Variants in PGPEP1L observed in about 807,000 individuals in gnomAD.
The protein encoded by PGPEP1L is pyroglutamyl-peptidase I like.
A neutral mutation model predicts 6.0 loss-of-function variants in PGPEP1L; 7 were observed. That is an observed-to-expected ratio of 1.17 (90% CI 0.66 to 2.19). The LOEUF (loss-of-function observed/expected upper bound fraction) is 2.19. Ranked by LOEUF, PGPEP1L falls within the 30% of genes most tolerant of loss-of-function variation. The probability of loss-of-function intolerance (pLI) is 0.00; values close to 1 mark genes in which losing one functional copy is unlikely to be tolerated. For missense variants in PGPEP1L, 209 were observed against 192.5 expected, an observed-to-expected ratio of 1.09 and a Z score of -0.51; for synonymous variants, 103 against 83.9, an observed-to-expected ratio of 1.23 and a Z score of -1.24.
At position 98,968,563 on chromosome 15, in the gene PGPEP1L, T is replaced by G. The variant is rs769219829; in HGVS notation, c.344A>C (p.Glu115Ala). 1.4e-5 allele frequency: 22 copies of G among 1,581,610 alleles called. No individual in the cohort carries two copies. Among genetic ancestry groups the G allele is most frequent in the Non-Finnish European group, 1.9e-5 (22 of 1,161,828 alleles). ...GGGCTTTCCCACCTCTTCCAGCATT[T>G]CCTGGATGATGACTCTCAAGGCTCT... ...LGRALRVIIQ[E>A]MLEEVGKPKH... The change falls in exon 5 of 5, where the codon GAA becomes GCA. Residue 115 changes from glutamate (E) to alanine (A), a missense_variant. Transcript: ENST00000535714.
chr15:98,991,121 G>C (rs572616181), intron 2 of PGPEP1L, among the ~76,000 whole-genome samples: 4 of 151,962 alleles, frequency 2.6e-5, no homozygotes, highest in Non-Finnish European at 5.9e-5. Flanking sequence ...GAGTAGAATT[G>C]AAGGAGATAG....
At chr15:99,001,699 T>TA (rs1555473056) in intron 2 of PGPEP1L, among the ~76,000 whole-genome samples, 1 of 151,960 alleles carries the variant, frequency 6.6e-6, no homozygotes, top group Non-Finnish European at 1.5e-5. Flanking sequence ...ATTTCATTTA[T>TA]ATATTTGTGT....
chr15:98,980,572 C>T (rs1200589392), intron 2 of PGPEP1L, among the ~76,000 whole-genome samples: 1 of 152,186 alleles, frequency 6.6e-6, no homozygotes, highest in Non-Finnish European at 1.5e-5. Context: ...AACTCCCCCA[C>T]TCGAGTGTGG....
chr15:99,001,255 C>A (rs1209503422), intron 2 of PGPEP1L: 1 of 318,882 alleles, frequency 3.1e-6, no homozygotes, highest in Non-Finnish European at 6.4e-6. Flanking sequence ...GACACACTAC[C>A]ACGTGGCTCA....
chr15:98,977,774 G>A (rs1001322278), intron 2 of PGPEP1L, among the ~76,000 whole-genome samples: 5 of 152,202 alleles, frequency 3.3e-5, no homozygotes, highest in Admixed American at 6.5e-5. Context: ...TACTGAAATC[G>A]TTGACTATTA....
intron 2 of PGPEP1L, among the ~76,000 whole-genome samples, chr15:98,973,157 G>A (rs2017523654): frequency 1.3e-5 from 2 of 152,058 alleles, no homozygotes; most frequent in Non-Finnish European, 2.9e-5. Flanking sequence ...AAAGCAAGAG[G>A]ATATAGCTAT....
At chr15:98,977,544 C>T (rs1034222806) in intron 2 of PGPEP1L, among the ~76,000 whole-genome samples, 1 of 152,208 alleles carries the variant, frequency 6.6e-6, no homozygotes, top group African/African-American at 2.4e-5. Context: ...CCAGAGAACA[C>T]ACTTTATGTG....
chr15:99,006,284 G>A (rs564393406), intron 1 of PGPEP1L, among the ~76,000 whole-genome samples: 3 of 152,196 alleles, frequency 2.0e-5, no homozygotes, highest in Non-Finnish European at 2.9e-5. Flanking sequence ...TAGCGTCTGT[G>A]CAAGCTTGCT....
chr15:98,983,213 T>G lies in PGPEP1L; in HGVS notation c.-141-12055A>C, dbSNP rs982736530. The stretch of plus-strand genomic sequence containing the variant: ...CAATTTTCTTTCACTTGGAAAGGTT[T>G]GCAGTTACTTTCCTATCCCTGAACA... On this transcript the variant is annotated intron_variant, in intron 2 of 4. Coordinates refer to ENST00000535714, the MANE Select transcript of PGPEP1L (RefSeq NM_001167902.2). Among the ~76,000 whole-genome samples, 13 of 152,130 alleles carry G rather than the reference T, an allele frequency of 8.5e-5. No individual in the cohort carries two copies. In the East Asian group the frequency reaches 1.9e-3, roughly 23 times the overall value.
intron 3 of PGPEP1L, among the ~76,000 whole-genome samples, chr15:98,970,404 T>A (rs1057435593): frequency 6.6e-6 from 1 of 152,208 alleles, no homozygotes; most frequent in Non-Finnish European, 1.5e-5. Flanking sequence ...CAGTGAAATC[T>A]TCTTAGAATT....
intron 2 of PGPEP1L, among the ~76,000 whole-genome samples, chr15:98,980,303 G>T (rs1003579384): frequency 6.6e-6 from 1 of 152,162 alleles, no homozygotes; most frequent in African/African-American, 2.4e-5. Flanking sequence ...AAACCTGAAC[G>T]ATCAGGGAGG....
intron 2 of PGPEP1L, among the ~76,000 whole-genome samples, chr15:99,000,352 CAGT>C (rs2017946587): frequency 6.6e-6 from 1 of 152,228 alleles, no homozygotes; most frequent in South Asian, 2.1e-4. Flanking sequence ...CCACGGCGCC[CAGT>C]CCCATCGACC....
intron 2 of PGPEP1L, 60 bp from the exon 3 acceptor site, chr15:98,971,218 C>G: frequency 7.0e-7 from 1 of 1,434,890 alleles, no homozygotes; most frequent in Non-Finnish European, 9.4e-7. Flanking sequence ...GGGTGGGCAC[C>G]AAGAGTCCCT....
intron 2 of PGPEP1L, among the ~76,000 whole-genome samples, chr15:99,000,674 A>T (rs971549624): frequency 2.0e-5 from 3 of 152,190 alleles, no homozygotes; most frequent in Non-Finnish European, 2.9e-5. Context: ...TCTGTATCTA[A>T]CTAATCTAGT....
chr15:98,999,442 C>G (rs578109577), intron 2 of PGPEP1L, among the ~76,000 whole-genome samples: 1 of 152,248 alleles, frequency 6.6e-6, no homozygotes, highest in South Asian at 2.1e-4. Flanking sequence ...CAAATGTTGG[C>G]AAGGATGAGG....
chr15:98,976,824 T>C (rs2017576851), intron 2 of PGPEP1L, among the ~76,000 whole-genome samples: 1 of 152,092 alleles, frequency 6.6e-6, no homozygotes, highest in African/African-American at 2.4e-5. Flanking sequence ...GATAATACAT[T>C]TTTACAGATT....
At chr15:98,972,739 C>G (rs1196011879) in intron 2 of PGPEP1L, among the ~76,000 whole-genome samples, 1 of 151,892 alleles carries the variant, frequency 6.6e-6, no homozygotes, top group African/African-American at 2.4e-5. Context: ...GGCATGGTGG[C>G]AGGCACCTGT....
intron 1 of PGPEP1L, among the ~76,000 whole-genome samples, chr15:99,007,127 G>A (rs1182705232): frequency 1.1e-4 from 16 of 152,278 alleles, no homozygotes; most frequent in Admixed American, 2.6e-4. Flanking sequence ...TCCTGGTGTG[G>A]GCTGCAGGCC....
At chr15:99,001,792 AC>A (rs2017975502) in intron 2 of PGPEP1L, among the ~76,000 whole-genome samples, 2 of 152,286 alleles carry the variant, frequency 1.3e-5, no homozygotes, top group East Asian at 1.9e-4. Flanking sequence ...ATCTCAGCTC[AC>A]TGCAACCTCC....
Sources: gnomAD v4.1 joint callset for allele counts (sites outside exome capture counted in the v4.1 genomes callset) on GRCh38, gnomAD v4.1.1 for gene constraint, MANE v1.5 for transcripts, NCBI Gene and HGNC (gene_info 2026-07-23, HGNC 2026-07-21) for gene names.